Variants in CADM2 observed in about 807,000 individuals in gnomAD.
CADM2 encodes immunoglobulin superfamily member 4D.
A neutral mutation model predicts 49.8 loss-of-function variants in CADM2; 12 were observed. The observed-to-expected ratio is 0.24, with a 90% confidence interval of 0.15 to 0.39. The LOEUF (loss-of-function observed/expected upper bound fraction) is 0.39, where lower values mean the gene tolerates loss of function less well. Among genes scored for constraint, CADM2 ranks in the 10% least tolerant of loss-of-function variants. CADM2 has a pLI of 1.00. For missense variants in CADM2, 378 were observed against 492.3 expected (o/e 0.77, Z 2.20); for synonymous variants, 214 against 175.4 (o/e 1.22, Z -1.74).
intron 1 of CADM2, among the ~76,000 whole-genome samples, chr3:85,299,208 G>A (rs773868451): frequency 2.6e-5 from 4 of 151,828 alleles, no homozygotes; most frequent in South Asian, 2.1e-4. Flanking sequence ...ATTTACAAAC[G>A]AATAACTATT....
chr3:86,013,985 A>G, intron 8 of CADM2: 1 of 1,472,386 alleles, frequency 6.8e-7, no homozygotes, highest in Non-Finnish European at 9.2e-7. Context: ...TTGCATTAGG[A>G]ACAATTGAAG....
intron 1 of CADM2, among the ~76,000 whole-genome samples, chr3:85,648,055 T>C (rs1173820232): frequency 6.6e-6 from 1 of 151,918 alleles, no homozygotes; most frequent in East Asian, 1.9e-4. Context: ...AAGAAACTGT[T>C]TCAAAACACT....
chr3:85,577,982 T>TC (rs1231387915), intron 1 of CADM2, among the ~76,000 whole-genome samples: 228 of 124,468 alleles, frequency 1.8e-3, no homozygotes, highest in African/African-American at 5.8e-3. Flanking sequence ...CCTATTAATC[T>TC]CTTTCCTTCC....
intron 1 of CADM2, among the ~76,000 whole-genome samples, chr3:85,619,736 A>G (rs1425616475): frequency 1.3e-5 from 2 of 152,180 alleles, no homozygotes; most frequent in Non-Finnish European, 2.9e-5. Flanking sequence ...GGAGACTCTT[A>G]AAATTATTTT....
intron 1 of CADM2, among the ~76,000 whole-genome samples, chr3:85,596,976 C>G (rs149286884): frequency 6.6e-6 from 1 of 152,010 alleles, no homozygotes. Flanking sequence ...TTTGGCCTCC[C>G]AAAATGCTGG....
intron 1 of CADM2, among the ~76,000 whole-genome samples, chr3:85,229,726 C>T (rs1312409357): frequency 6.6e-6 from 1 of 152,160 alleles, no homozygotes; most frequent in Non-Finnish European, 1.5e-5. Context: ...AATTGAGGGG[C>T]AGATACCCTA....
intron 1 of CADM2, among the ~76,000 whole-genome samples, chr3:85,017,104 T>C (rs542075186): frequency 2.2e-4 from 34 of 152,258 alleles, no homozygotes; most frequent in Admixed American, 2.0e-3. Context: ...ACAGCAAATT[T>C]TAGGAGGTAA....
intron 1 of CADM2, among the ~76,000 whole-genome samples, chr3:85,049,586 G>A (rs190530447): frequency 4.5e-4 from 69 of 151,878 alleles, no homozygotes; most frequent in Non-Finnish European, 7.7e-4. Context: ...TCCTGACCTC[G>A]TGATCTGCCC....
chr3:85,549,963 A>T (rs1484520717), intron 1 of CADM2, among the ~76,000 whole-genome samples: 1 of 152,104 alleles, frequency 6.6e-6, no homozygotes, highest in Non-Finnish European at 1.5e-5. Flanking sequence ...CAAATAAAAA[A>T]ATGACAATAG....
In CADM2 at chr3:85,740,902, C is replaced by T. The variant is rs144255896; in HGVS notation, c.88+14354C>T. Among the ~76,000 whole-genome samples, 41 of 152,232 alleles carry T rather than the reference C, an allele frequency of 2.7e-4. No homozygotes were observed. The East Asian group carries it at 7.7e-3, about 29-fold the overall frequency. On this transcript the variant is annotated intron_variant, in intron 2 of 9. Coordinates refer to ENST00000383699, the MANE Select transcript of CADM2 (RefSeq NM_001167675.2). Reference sequence around the variant, plus strand: ...TAAGTCATATACTCTTCATTTAGATCTTGGTTCTATACTCACCTGATCTAG... The same window carrying T: ...TAAGTCATATACTCTTCATTTAGATTTTGGTTCTATACTCACCTGATCTAG...
At chr3:85,733,250 T>C (rs1462212152) in intron 2 of CADM2, among the ~76,000 whole-genome samples, 2 of 152,206 alleles carry the variant, frequency 1.3e-5, no homozygotes, top group African/African-American at 4.8e-5. Flanking sequence ...GCACAGCTAA[T>C]GTGAAGTGCT....
At chr3:85,396,526 T>C (rs934207402) in intron 1 of CADM2, among the ~76,000 whole-genome samples, 11 of 152,060 alleles carry the variant, frequency 7.2e-5, no homozygotes, top group Admixed American at 6.6e-4. Context: ...ATCTAGATTT[T>C]GTGGTAATCC....
chr3:85,712,793 T>G (rs2067155582), intron 1 of CADM2, among the ~76,000 whole-genome samples: 1 of 152,192 alleles, frequency 6.6e-6, no homozygotes, highest in Non-Finnish European at 1.5e-5. Context: ...CACAGAAATC[T>G]AGGTCATGTT....
At chr3:85,058,625 T>C (rs73125109) in intron 1 of CADM2, among the ~76,000 whole-genome samples, 16,007 of 151,796 alleles carry the variant, frequency 0.11, 1,135 homozygotes, top group Non-Finnish European at 0.16. Context: ...TGTATGTTTT[T>C]GTAGAGATGG....
intron 1 of CADM2, among the ~76,000 whole-genome samples, chr3:85,468,150 T>C (rs1398987063): frequency 3.4e-5 from 2 of 59,626 alleles, no homozygotes; most frequent in Non-Finnish European, 5.2e-5. Context: ...CGAGACTCCG[T>C]CTCAAAAAAA....
rs1739680509 is a variant in CADM2, at chr3:86,069,743, C to A, written c.*2960C>A. The A allele has an allele frequency of 2.0e-5, 3 of 151,936 alleles. No individual in the cohort carries two copies. 9.4% of individuals were successfully genotyped at this position (151,936 alleles called of 1,614,324 possible). A position where few individuals can be genotyped will look rare whatever the true frequency, so the allele number is the denominator to read the frequency against. On this transcript the variant is annotated 3_prime_UTR_variant, in exon 10 of 10. Coordinates refer to ENST00000383699, the MANE Select transcript of CADM2 (RefSeq NM_001167675.2). ...TAGAATATGGAGCATTATTCTTTAC[C>A]AAAAGTAGCTATTCTCTGCCAGTGT... is the stretch of plus-strand genomic sequence containing the variant.
At chr3:85,488,437 A>AT (rs2039521252) in intron 1 of CADM2, among the ~76,000 whole-genome samples, 1 of 152,198 alleles carries the variant, frequency 6.6e-6, no homozygotes, top group African/African-American at 2.4e-5. Context: ...GAAAAACATA[A>AT]TTAGTAGTCA....
chr3:85,079,620 G>T (rs1440953582), intron 1 of CADM2, among the ~76,000 whole-genome samples: 1 of 151,652 alleles, frequency 6.6e-6, no homozygotes, highest in African/African-American at 2.4e-5. Context: ...ATAAGACAAT[G>T]CTGAATGCAA....
rs561399945 is a variant in CADM2, at chr3:85,931,402, C to T, written c.701-4365C>T. On this transcript the variant is annotated intron_variant, in intron 6 of 9. Coordinates refer to ENST00000383699, the MANE Select transcript of CADM2 (RefSeq NM_001167675.2). ...AGGCTGCAGTGAGCTGTGATCACAC[C>T]CCTGCAATCCAGCCTCGGGGACAGA... Among the ~76,000 whole-genome samples the T allele has an allele frequency of 1.2e-4, 18 of 151,914 alleles. 2 individuals are homozygous for T. The South Asian group carries it at 3.1e-3, about 26-fold the overall frequency.
Sources: gnomAD v4.1 joint callset for allele counts (sites outside exome capture counted in the v4.1 genomes callset) on GRCh38, gnomAD v4.1.1 for gene constraint, MANE v1.5 for transcripts, NCBI Gene and HGNC (gene_info 2026-07-23, HGNC 2026-07-21) for gene names.